The following CNBD1 variants were observed in gnomAD, a reference collection of about 807,000 sequenced individuals.
CNBD1 encodes the protein cyclic nucleotide-binding domain-containing protein 1.
A neutral mutation model predicts 54.4 loss-of-function variants in CNBD1; 71 were observed. The ratio of observed to expected loss-of-function variants is 1.30; its 90% CI spans 1.08 to 1.59. CNBD1 has a LOEUF of 1.59. Ranked by LOEUF, CNBD1 falls within the 40% of genes most tolerant of loss-of-function variation. CNBD1 has a pLI of 0.00. For synonymous variants in CNBD1, 182 were observed against 170.7 expected (o/e 1.07, Z -0.51); for missense variants, 659 against 518.0 (o/e 1.27, Z -2.64).
chr8:87,353,024 T>G (rs1810338855), intron 9 of CNBD1, among the ~76,000 whole-genome samples: 1 of 152,206 alleles, frequency 6.6e-6, no homozygotes. Context: ...GCAAAGGTAA[T>G]TTGAGGTCTC....
intron 4 of CNBD1, among the ~76,000 whole-genome samples, chr8:86,989,300 A>C (rs374861581): frequency 1.4e-4 from 8 of 58,988 alleles, no homozygotes; most frequent in African/African-American, 5.6e-4. Flanking sequence ...TCTCAAAACA[A>C]ATAAATACAT....
intron 4 of CNBD1, among the ~76,000 whole-genome samples, chr8:86,981,738 A>T (rs996062629): frequency 1.2e-4 from 19 of 152,166 alleles, no homozygotes; most frequent in African/African-American, 4.3e-4. Flanking sequence ...TCAATATTTC[A>T]TTCCTTTTTA....
intron 6 of CNBD1, among the ~76,000 whole-genome samples, chr8:87,270,617 A>G (rs915336597): frequency 1.3e-5 from 2 of 152,002 alleles, no homozygotes; most frequent in East Asian, 1.9e-4. Context: ...TACTGGGTAT[A>G]TAACCAAATA....
intron 8 of CNBD1, among the ~76,000 whole-genome samples, chr8:87,338,619 G>GCTT (rs572361805): frequency 2.9e-5 from 4 of 139,940 alleles, no homozygotes; most frequent in Non-Finnish European, 6.1e-5. Flanking sequence ...TTTTTTCTTT[G>GCTT]TTTTTTTTTT....
intron 8 of CNBD1, among the ~76,000 whole-genome samples, chr8:87,301,655 G>A (rs979026846): frequency 1.3e-5 from 2 of 151,968 alleles, no homozygotes; most frequent in African/African-American, 2.4e-5. Flanking sequence ...CAGAACTGAA[G>A]GAAATAGAGA....
At chr8:86,991,748 T>A (rs1808754550) in intron 4 of CNBD1, among the ~76,000 whole-genome samples, 1 of 152,196 alleles carries the variant, frequency 6.6e-6, no homozygotes, top group South Asian at 2.1e-4. Flanking sequence ...ATTTTTTGAT[T>A]TCTGCCTTAA....
chr8:87,377,935 G>C (rs62526826), intron 10 of CNBD1, among the ~76,000 whole-genome samples: 2 of 148,232 alleles, frequency 1.3e-5, no homozygotes, highest in African/African-American at 5.1e-5. Flanking sequence ...GTGTTTTTTG[G>C]CTGCATAAAT....
At chr8:87,158,675 G>C (rs150175987) in intron 4 of CNBD1, among the ~76,000 whole-genome samples, 2 of 152,118 alleles carry the variant, frequency 1.3e-5, no homozygotes, top group Non-Finnish European at 2.9e-5. Flanking sequence ...AGACAGACAT[G>C]TCTGTGGTCT....
intron 10 of CNBD1, among the ~76,000 whole-genome samples, chr8:87,365,774 TA>T (rs1810630214): frequency 6.6e-6 from 1 of 151,830 alleles, no homozygotes; most frequent in Non-Finnish European, 1.5e-5. Flanking sequence ...ATGCCTCTAT[TA>T]AAATATAATC....
chr8:87,064,663 G>C (rs1315470180), intron 4 of CNBD1, among the ~76,000 whole-genome samples: 1 of 151,672 alleles, frequency 6.6e-6, no homozygotes. Flanking sequence ...AGATATTCTA[G>C]TAACCCACCT....
chr8:87,325,713 G>T (rs1478510172), intron 8 of CNBD1, among the ~76,000 whole-genome samples: 1 of 141,008 alleles, frequency 7.1e-6, no homozygotes, highest in African/African-American at 2.7e-5. Flanking sequence ...ATGTGAGATG[G>T]GTTTCCTGAA....
chr8:86,943,584 G>A (rs1053118417), intron 4 of CNBD1, among the ~76,000 whole-genome samples: 3 of 151,898 alleles, frequency 2.0e-5, no homozygotes, highest in Non-Finnish European at 4.4e-5. Flanking sequence ...AAATCATGGG[G>A]GTGGTGCCAC....
chr8:86,966,584 C>T (rs897687871), intron 4 of CNBD1, among the ~76,000 whole-genome samples: 10 of 152,034 alleles, frequency 6.6e-5, no homozygotes, highest in Admixed American at 1.3e-4. Flanking sequence ...TCATTCCTCC[C>T]GGTGGGTTCA....
chr8:87,049,721 A>G (rs1408772957), intron 4 of CNBD1, among the ~76,000 whole-genome samples: 2 of 152,176 alleles, frequency 1.3e-5, no homozygotes, highest in Admixed American at 1.3e-4. Flanking sequence ...TTTTAACTGA[A>G]CTGCAGATCC....
intron 4 of CNBD1, among the ~76,000 whole-genome samples, chr8:87,071,750 TAA>T (rs1450818338): frequency 6.6e-6 from 1 of 152,164 alleles, no homozygotes; most frequent in African/African-American, 2.4e-5. Context: ...AGTTTTAGAG[TAA>T]GTGTCATGTG....
At chr8:87,383,583 A>C (rs927100531), downstream of CNBD1, among the ~76,000 whole-genome samples, 18 of 151,854 alleles carry the variant, frequency 1.2e-4, no homozygotes, top group Non-Finnish European at 2.2e-4. Flanking sequence ...TTTACATTTC[A>C]GTTATTTTTA....
In CNBD1 at chr8:87,207,639, C is replaced by A. The variant is rs540579953; in HGVS notation, c.577+1501C>A. ...CATATATTTGAGTTGGTTTTATTCTCTCACAATGTGTTTATTTATTTGTTA... is the reference window on the plus strand; with the variant it reads ...CATATATTTGAGTTGGTTTTATTCTATCACAATGTGTTTATTTATTTGTTA... On this transcript the variant is annotated intron_variant, in intron 5 of 10. Coordinates refer to ENST00000518476, the MANE Select transcript of CNBD1 (RefSeq NM_173538.3). Among the ~76,000 whole-genome samples the A allele has an allele frequency of 3.3e-5, 5 of 152,192 alleles. No homozygotes were observed. In the South Asian group the frequency reaches 1.0e-3, roughly 32 times the overall value.
intron 4 of CNBD1, among the ~76,000 whole-genome samples, chr8:87,094,770 G>T (rs1280775387): frequency 6.6e-6 from 1 of 152,172 alleles, no homozygotes; most frequent in African/African-American, 2.4e-5. Flanking sequence ...AGGTGCAGTG[G>T]CTCACGCCTG....
chr8:87,207,364 T>C (rs1018211530), intron 5 of CNBD1, among the ~76,000 whole-genome samples: 8 of 152,198 alleles, frequency 5.3e-5, no homozygotes, highest in African/African-American at 1.9e-4. Context: ...GATTTATATA[T>C]ATTGATATGG....
Sources: gnomAD v4.1 joint callset for allele counts (sites outside exome capture counted in the v4.1 genomes callset) on GRCh38, gnomAD v4.1.1 for gene constraint, MANE v1.5 for transcripts, NCBI Gene and HGNC (gene_info 2026-07-23, HGNC 2026-07-21) for gene names.